Variants in LRP1B observed in about 807,000 individuals in gnomAD.
LRP1B encodes the protein low-density lipoprotein receptor-related protein 1B.
In LRP1B, 217 loss-of-function variants were observed where a neutral mutation model predicts 556.6. The ratio of observed to expected loss-of-function variants is 0.39; its 90% CI spans 0.35 to 0.44. The LOEUF is 0.44. Ranked by LOEUF, LRP1B falls within the 20% of genes least tolerant of loss-of-function variation. LRP1B has a pLI of 1.00. For missense variants in LRP1B, 5,053 were observed against 5,620.8 expected, an observed-to-expected ratio of 0.90 and a Z score of 3.23; for synonymous variants, 2,047 against 1,865.8, an observed-to-expected ratio of 1.10 and a Z score of -2.50.
chr2:140,525,075 T>C lies in LRP1B; in HGVS notation c.8026+769A>G, dbSNP rs1464685046. On this transcript the variant is annotated intron_variant, in intron 49 of 90. Transcript: ENST00000389484. ...TATAAACTTTTGTGTAAAATACTTATGAATATAATTTCTTAAAATTGTTTA... is the reference window on the plus strand; with the variant it reads ...TATAAACTTTTGTGTAAAATACTTACGAATATAATTTCTTAAAATTGTTTA... Among the ~76,000 whole-genome samples, 6 of 151,904 alleles carry C rather than the reference T, an allele frequency of 3.9e-5. No individual in the cohort carries two copies. The East Asian group carries it at 1.2e-3, about 29-fold the overall frequency.
intron 3 of LRP1B, among the ~76,000 whole-genome samples, chr2:141,280,793 A>G (rs1685482300): frequency 6.6e-6 from 1 of 152,008 alleles, no homozygotes; most frequent in African/African-American, 2.4e-5. Context: ...TATTAAATCC[A>G]CAATAAAACT....
intron 3 of LRP1B, among the ~76,000 whole-genome samples, chr2:141,324,829 A>G: frequency 6.6e-6 from 1 of 152,128 alleles, no homozygotes; most frequent in Non-Finnish European, 1.5e-5. Context: ...CTCTAGATAT[A>G]CATTAATAAA....
intron 41 of LRP1B, among the ~76,000 whole-genome samples, chr2:140,667,553 C>G (rs1685322590): frequency 6.6e-6 from 1 of 152,212 alleles, no homozygotes; most frequent in African/African-American, 2.4e-5. Flanking sequence ...CTACAGACCA[C>G]AGTATCTTTG....
chr2:141,015,980 T>C, intron 12 of LRP1B, 65 bp from the exon 13 acceptor site: 1 of 1,202,632 alleles, frequency 8.3e-7, no homozygotes, highest in Non-Finnish European at 1.2e-6. Flanking sequence ...GTATAGACAC[T>C]TCCTCAGATT....
In LRP1B at chr2:140,923,069, C is replaced by T. The variant is rs370586151; in HGVS notation, c.3215G>A (p.Arg1072His). Residue 1072 changes from arginine (R) to histidine (H), a missense_variant, in exon 21 of 91, where the codon CGC (arginine) becomes CAC (histidine). Around this residue, in one of 5 missense-constraint regions of LRP1B, gnomAD observed 3,619 missense variants for 3,931.9 expected, o/e 0.92. Transcript: ENST00000389484. Reference protein sequence around the residue: ...PDGNCVPDLWRCDGEKDCEDG... With the variant: ...PDGNCVPDLWHCDGEKDCEDG... Reference sequence around the variant, plus strand: ...TTCACAGTCTTTTTCTCCATCACAGCGCCACAAATCAGGAACGCAATTACC... The same window carrying T: ...TTCACAGTCTTTTTCTCCATCACAGTGCCACAAATCAGGAACGCAATTACC... 1.6e-3 allele frequency: 2,608 copies of T among 1,612,950 alleles called. 58 individuals are homozygous for T. The South Asian group carries it at 0.027, about 17-fold the overall frequency.
rs1031675669 is a variant in LRP1B at position 140,932,709 on chromosome 2, T to C, written c.3137-9562A>G. On this transcript the variant is annotated intron_variant, in intron 20 of 90. Transcript: ENST00000389484. ...GCAATATGGTGAGACTCTGTCTCTATAATTTTTTTTTTTTTCTTAACTAGC... is the reference window on the plus strand; with the variant it reads ...GCAATATGGTGAGACTCTGTCTCTACAATTTTTTTTTTTTTCTTAACTAGC... Among the ~76,000 whole-genome samples, 9 of 151,096 alleles carry C rather than the reference T, an allele frequency of 6.0e-5. No homozygotes were observed. The Admixed American group carries it at 6.0e-4, about 10-fold the overall frequency.
chr2:141,329,589 A>G (rs1396302169), intron 3 of LRP1B, among the ~76,000 whole-genome samples: 2 of 146,810 alleles, frequency 1.4e-5, no homozygotes, highest in African/African-American at 2.5e-5. Flanking sequence ...GCTTGCAGTG[A>G]GCCAAGATTG....
Position 141,464,604 on chromosome 2 carries a change from A to ATTTTTTTTTTTTTTTTT in LRP1B, c.343+15791_343+15792insAAAAAAAAAAAAAAAAA, listed in dbSNP as rs1415837703. On this transcript the variant is annotated intron_variant, in intron 3 of 90. Transcript: ENST00000389484. ...ATTTTGTATATATATATATATATATATATTTTTTTAGTAGAGATGGGGTTT... is the reference window on the plus strand; with the variant it reads ...ATTTTGTATATATATATATATATATATTTTTTTTTTTTTTTTTTATTTTTTTAGTAGAGATGGGGTTT... 4.1e-3 allele frequency among the ~76,000 whole-genome samples: 299 copies of ATTTTTTTTTTTTTTTTT among 72,704 alleles called. 2 individuals carry two copies. Among genetic ancestry groups the ATTTTTTTTTTTTTTTTT allele is most frequent in the Non-Finnish European group, 6.7e-3 (230 of 34,332 alleles). The allele number at this position is 72,704 out of a possible 152,430, so 47.7% of individuals were successfully genotyped here. A position where few individuals can be genotyped will look rare whatever the true frequency, so the allele number is the denominator to read the frequency against.
intron 2 of LRP1B, among the ~76,000 whole-genome samples, chr2:141,592,475 C>T (rs986120827): frequency 6.6e-6 from 1 of 152,106 alleles, no homozygotes. Context: ...ACCCTTATGA[C>T]TTTATTATCT....
intron 1 of LRP1B, among the ~76,000 whole-genome samples, chr2:141,840,231 T>C (rs1558910394): frequency 6.6e-6 from 1 of 151,024 alleles, no homozygotes; most frequent in Non-Finnish European, 1.5e-5. Flanking sequence ...CCTAGGTCAT[T>C]AGGTCATCGT....
intron 43 of LRP1B, among the ~76,000 whole-genome samples, chr2:140,556,815 T>C (rs1365806714): frequency 6.6e-6 from 1 of 152,102 alleles, no homozygotes; most frequent in South Asian, 2.1e-4. Flanking sequence ...CTAAAATGTT[T>C]ACTTTACTAT....
chr2:141,665,052 C>T (rs1690373931), intron 2 of LRP1B, among the ~76,000 whole-genome samples: 1 of 152,062 alleles, frequency 6.6e-6, no homozygotes, highest in Non-Finnish European at 1.5e-5. Flanking sequence ...AATAAGACTG[C>T]ACATCTACAA....
chr2:141,178,439 G>A (rs775796448), intron 7 of LRP1B, among the ~76,000 whole-genome samples: 1 of 152,128 alleles, frequency 6.6e-6, no homozygotes, highest in Non-Finnish European at 1.5e-5. Flanking sequence ...ACACAGGACA[G>A]TGGATTCAGA....
intron 2 of LRP1B, among the ~76,000 whole-genome samples, chr2:141,628,485 A>G (rs2105346194): frequency 6.6e-6 from 1 of 152,262 alleles, no homozygotes; most frequent in African/African-American, 2.4e-5. Flanking sequence ...TGATGCTTTT[A>G]ACAAAATTAT....
chr2:141,173,950 A>G (rs1040208945), intron 7 of LRP1B, among the ~76,000 whole-genome samples: 3 of 152,016 alleles, frequency 2.0e-5, no homozygotes, highest in Non-Finnish European at 4.4e-5. Context: ...CACTATTTCA[A>G]CTGACTTCTC....
chr2:141,258,927 T>C (rs1417497609), intron 3 of LRP1B, among the ~76,000 whole-genome samples: 2 of 152,134 alleles, frequency 1.3e-5, no homozygotes, highest in Non-Finnish European at 2.9e-5. Flanking sequence ...TCTTTATAAA[T>C]TACCCAGTCT....
At chr2:141,736,296 C>T (rs922064748) in intron 2 of LRP1B, among the ~76,000 whole-genome samples, 1 of 152,086 alleles carries the variant, frequency 6.6e-6, no homozygotes, top group African/African-American at 2.4e-5. Flanking sequence ...TGTGTCCCTC[C>T]AACAAGACAT....
intron 3 of LRP1B, among the ~76,000 whole-genome samples, chr2:141,421,535 A>AAG (rs1247296836): frequency 6.6e-6 from 1 of 151,852 alleles, no homozygotes; most frequent in Non-Finnish European, 1.5e-5. Context: ...TCTCAAAAAA[A>AAG]AAAAAAAAAA....
chr2:140,870,694 A>T (rs1247588445), intron 25 of LRP1B, among the ~76,000 whole-genome samples: 1 of 152,166 alleles, frequency 6.6e-6, no homozygotes, highest in Admixed American at 6.5e-5. Flanking sequence ...ATGGTAAAAA[A>T]ATAAATTTTC....
Sources: gnomAD v4.1 joint callset for allele counts (sites outside exome capture counted in the v4.1 genomes callset) on GRCh38, gnomAD v4.1.1 for gene constraint, gnomAD v4.1.1 regional missense constraint, MANE v1.5 for transcripts, NCBI Gene and HGNC (gene_info 2026-07-23, HGNC 2026-07-21) for gene names.